Variants in CREB5 observed in about 807,000 individuals in gnomAD.
CREB5 encodes cyclic AMP-responsive element-binding protein 5.
Under a neutral mutation model 57.1 loss-of-function variants are expected in CREB5, and 19 were observed. That is an observed-to-expected ratio of 0.33 (90% confidence interval 0.23 to 0.49). The LOEUF (loss-of-function observed/expected upper bound fraction) is 0.49. Among genes scored for constraint, CREB5 ranks in the 20% least tolerant of loss-of-function variants. The pLI is 0.99. For synonymous variants in CREB5, 238 were observed against 238.3 expected (o/e 1.00, Z 0.01); for missense variants, 579 against 671.6 (o/e 0.86, Z 1.52).
At chr7:28,775,181 G>C (rs552908078) in intron 7 of CREB5, among the ~76,000 whole-genome samples, 1 of 152,152 alleles carries the variant, frequency 6.6e-6, no homozygotes, top group East Asian at 1.9e-4. Flanking sequence ...CTAAAACCTT[G>C]ACATATTTTA....
chr7:28,544,038 A>G (rs1333640056), intron 4 of CREB5, among the ~76,000 whole-genome samples: 2 of 151,234 alleles, frequency 1.3e-5, no homozygotes, highest in East Asian at 1.9e-4. Flanking sequence ...TTCTTCCTAC[A>G]CCATAACTGA....
At chr7:28,689,338 G>A (rs921503373) in intron 5 of CREB5, among the ~76,000 whole-genome samples, 1 of 152,048 alleles carries the variant, frequency 6.6e-6, no homozygotes. Context: ...AGTGATGGCG[G>A]ACACCTGTAG....
intron 7 of CREB5, among the ~76,000 whole-genome samples, chr7:28,788,255 C>T (rs986885104): frequency 6.6e-6 from 1 of 152,096 alleles, no homozygotes; most frequent in African/African-American, 2.4e-5. Context: ...CCCTCCTCCT[C>T]CCCCAAGTTG....
chr7:28,408,733 C>CATGAGAGAGAGAGA (rs1787645429), upstream of CREB5, among the ~76,000 whole-genome samples: 1 of 152,034 alleles, frequency 6.6e-6, no homozygotes, highest in Admixed American at 6.5e-5. Context: ...GAGTGTGCAC[C>CATGAGAGAGAGAGA]ATAAGGAAGT....
At chr7:28,498,237 AT>A (rs763291184) in intron 3 of CREB5, among the ~76,000 whole-genome samples, 21 of 152,214 alleles carry the variant, frequency 1.4e-4, no homozygotes, top group Non-Finnish European at 2.6e-4. Context: ...AATAAAAATA[AT>A]GTAAATCAAA....
intron 1 of CREB5, among the ~76,000 whole-genome samples, chr7:28,464,711 A>T (rs7793282): frequency 0.61 from 77,027 of 125,974 alleles, 19,961 homozygotes; most frequent in East Asian, 0.83. Context: ...AGTTATTTTT[A>T]AAAAAAAAAA....
intron 1 of CREB5, among the ~76,000 whole-genome samples, chr7:28,445,794 G>C (rs575258842): frequency 0.013 from 1,959 of 151,610 alleles, 53 homozygotes; most frequent in African/African-American, 0.045. Flanking sequence ...CTCATGATCC[G>C]CCTGCCTCAG....
intron 4 of CREB5, among the ~76,000 whole-genome samples, chr7:28,547,127 T>C (rs1232140070): frequency 2.6e-5 from 4 of 152,226 alleles, no homozygotes; most frequent in African/African-American, 4.8e-5. Flanking sequence ...ACAAATGTTA[T>C]AGGGATGCTT....
intron 1 of CREB5, among the ~76,000 whole-genome samples, chr7:28,435,169 C>T (rs1040393912): frequency 1.3e-5 from 2 of 150,314 alleles, no homozygotes; most frequent in Non-Finnish European, 1.5e-5. Context: ...CTGCATGCCA[C>T]CTCAGTTTCC....
At chr7:28,309,068 C>G (rs1164276446) in intron 1 of CREB5, among the ~76,000 whole-genome samples, 1 of 152,196 alleles carries the variant, frequency 6.6e-6, no homozygotes, top group East Asian at 1.9e-4. Context: ...GGAATATTAG[C>G]TCTCCTGGGT....
rs188609824 is a variant in CREB5, at chr7:28,348,466, G to T, written c.-25+49025G>T. Among the ~76,000 whole-genome samples the T allele has an allele frequency of 1.8e-3, 275 of 151,632 alleles. 2 individuals are homozygous for T. Among genetic ancestry groups the T allele is most frequent in the African/African-American group, 6.5e-3 (266 of 41,130 alleles). ...CACAGACACCTTGCATGGTAGTGGT[G>T]AGAATTAGAGATATGTCTAAAATGC... On this transcript the variant is annotated intron_variant, in intron 1 of 9. Transcript: ENST00000396299.
intron 1 of CREB5, among the ~76,000 whole-genome samples, chr7:28,455,381 A>G (rs1790047994): frequency 1.3e-5 from 2 of 152,154 alleles, no homozygotes; most frequent in Non-Finnish European, 2.9e-5. Context: ...AAATTTCCTC[A>G]TGGTAGCATT....
intron 4 of CREB5, among the ~76,000 whole-genome samples, chr7:28,563,869 C>A (rs1795377008): frequency 6.6e-6 from 1 of 152,116 alleles, no homozygotes; most frequent in Non-Finnish European, 1.5e-5. Context: ...GGAGAGGTGG[C>A]CTGCATGGTC....
chr7:28,753,979 A>T (rs1405171407), intron 7 of CREB5, among the ~76,000 whole-genome samples: 10 of 151,306 alleles, frequency 6.6e-5, no homozygotes, highest in African/African-American at 2.4e-4. Flanking sequence ...TTAAAATTAA[A>T]CTCATTAAAA....
intron 5 of CREB5, among the ~76,000 whole-genome samples, chr7:28,654,992 C>T (rs1223553931): frequency 6.6e-6 from 1 of 152,110 alleles, no homozygotes; most frequent in Non-Finnish European, 1.5e-5. Context: ...CTCACTGCAG[C>T]CTCGACCTCC....
chr7:28,516,355 T>C (rs1456775069), intron 4 of CREB5, among the ~76,000 whole-genome samples: 1 of 152,106 alleles, frequency 6.6e-6, no homozygotes, highest in Non-Finnish European at 1.5e-5. Context: ...AAAAAGGGGA[T>C]AGTTTGGAAA....
intron 1 of CREB5, among the ~76,000 whole-genome samples, chr7:28,484,066 G>T (rs1025825753): frequency 6.6e-6 from 1 of 152,178 alleles, no homozygotes; most frequent in African/African-American, 2.4e-5. Flanking sequence ...GCTCTATGCA[G>T]TGGAGCCTAG....
chr7:28,540,351 A>G (rs1338981583), intron 4 of CREB5, among the ~76,000 whole-genome samples: 1 of 152,202 alleles, frequency 6.6e-6, no homozygotes, highest in African/African-American at 2.4e-5. Context: ...TGGGTGAATG[A>G]GTTTATTAGA....
intron 7 of CREB5, among the ~76,000 whole-genome samples, chr7:28,781,097 T>C (rs1369949417): frequency 6.6e-6 from 1 of 152,202 alleles, no homozygotes; most frequent in African/African-American, 2.4e-5. Context: ...ATTGGTTGTG[T>C]TGTGACATAT....
Sources: gnomAD v4.1 joint callset for allele counts (sites outside exome capture counted in the v4.1 genomes callset) on GRCh38, gnomAD v4.1.1 for gene constraint, MANE v1.5 for transcripts, NCBI Gene and HGNC (gene_info 2026-07-23, HGNC 2026-07-21) for gene names.